Variants in BBS5 observed in about 807,000 individuals in gnomAD.
BBS5 encodes BBSome complex member BBS5.
A neutral mutation model predicts 50.2 loss-of-function variants in BBS5; 39 were observed. The observed-to-expected ratio is 0.78, with a 90% CI of 0.60 to 1.01. BBS5 has a LOEUF of 1.01. Among genes scored for constraint, BBS5 ranks in the 50% least tolerant of loss-of-function variants. The probability of loss-of-function intolerance (pLI) is 0.00; values close to 1 mark genes in which losing one functional copy is unlikely to be tolerated. For synonymous variants in BBS5, 134 were observed against 133.1 expected (o/e 1.01, Z -0.05); for missense variants, 356 against 401.5 (o/e 0.89, Z 0.97).
At position 169,487,182 on chromosome 2, in the gene BBS5, G is replaced by C. The variant is rs762981436; in HGVS notation, c.208+48G>C. On this transcript the variant is annotated intron_variant, in intron 3 of 11. Transcript: ENST00000295240. Reference sequence around the variant, plus strand: ...TCTGAAGAAAAAAAATCCTTTGTCAGGTGAATTTGCATGGTGCCTTTGATA... The same window carrying C: ...TCTGAAGAAAAAAAATCCTTTGTCACGTGAATTTGCATGGTGCCTTTGATA... 1.4e-5 allele frequency: 18 copies of C among 1,313,756 alleles called. No homozygotes were observed. In the East Asian group the frequency reaches 4.1e-4, roughly 30 times the overall value. 81.4% of individuals were successfully genotyped at this position (1,313,756 alleles called of 1,614,324 possible).
chr2:169,482,646 G>A (rs1456601582), intron 2 of BBS5: 3 of 349,822 alleles, frequency 8.6e-6, no homozygotes, highest in South Asian at 2.7e-5. Flanking sequence ...AGGATATGGG[G>A]TAGTGGAATA....
chr2:169,481,487 T>G (rs1683395583), intron 1 of BBS5, among the ~76,000 whole-genome samples: 1 of 152,196 alleles, frequency 6.6e-6, no homozygotes, highest in African/African-American at 2.4e-5. Flanking sequence ...GATTTTGGAC[T>G]TCAACTTCTA....
chr2:169,482,155 T>C, intron 1 of BBS5, 96 bp from the exon 2 acceptor site: 1 of 802,784 alleles, frequency 1.2e-6, no homozygotes. Context: ...TTTATGCTGT[T>C]AGCTGTTTTA....
At chr2:169,482,560 T>C in intron 2 of BBS5, 2 of 496,448 alleles carry the variant, frequency 4.0e-6, no homozygotes, top group Non-Finnish European at 7.3e-6. Flanking sequence ...CCTTTATCCA[T>C]TGTAGCTGTT....
intron 1 of BBS5, among the ~76,000 whole-genome samples, chr2:169,480,958 G>C (rs897462984): frequency 8.5e-5 from 13 of 152,208 alleles, no homozygotes; most frequent in Non-Finnish European, 2.9e-5. Flanking sequence ...GATTACAGGC[G>C]TGAGCCACTG....
chr2:169,492,758 A>T, intron 5 of BBS5, 116 bp from the exon 6 acceptor site: 1 of 923,318 alleles, frequency 1.1e-6, no homozygotes, highest in Non-Finnish European at 1.6e-6. Flanking sequence ...AAAATGTATC[A>T]TAATTATTTG....
At chr2:169,483,748 T>C (rs1341267737) in intron 2 of BBS5, among the ~76,000 whole-genome samples, 1 of 152,158 alleles carries the variant, frequency 6.6e-6, no homozygotes, top group Non-Finnish European at 1.5e-5. Context: ...GGGCTCATCC[T>C]TAAAGTAATG....
intron 5 of BBS5, 85 bp downstream of exon 5, chr2:169,488,199 C>G: frequency 2.2e-6 from 3 of 1,365,042 alleles, no homozygotes; most frequent in Non-Finnish European, 3.1e-6. Context: ...TTTTTGGCAC[C>G]AGGGACCAGT....
At chr2:169,492,577 C>T (rs975608118) in intron 5 of BBS5, among the ~76,000 whole-genome samples, 3 of 151,824 alleles carry the variant, frequency 2.0e-5, no homozygotes, top group Admixed American at 1.3e-4. Context: ...ATTGCCAGAC[C>T]TTATTAAAAA....
In BBS5 at chr2:169,503,079, A is replaced by G. The variant is rs1156419213; in HGVS notation, c.817-16A>G. ...AATATTGTCTCTGATGCATTTTAAC[A>G]TCTGCTGATTTTCAGCCCCAGCCGC... On this transcript the variant is annotated splice_polypyrimidine_tract_variant and intron_variant, in intron 9 of 11. Coordinates refer to ENST00000295240, the MANE Select transcript of BBS5 (RefSeq NM_152384.3). The G allele has an allele frequency of 1.9e-6, 3 of 1,596,238 alleles. No individual in the cohort carries two copies. Among genetic ancestry groups the G allele is most frequent in the East Asian group, 4.5e-5 (2 of 44,794 alleles).
At position 169,505,562 on chromosome 2, in the gene BBS5, C is replaced by T; in HGVS notation, c.*980C>T. Reference sequence around the variant, plus strand: ...TCTAGGAAGTGAGGAGCTTCTCTGCCTGGCCGCCCATCGTCTGAGATGTGG... The same window carrying T: ...TCTAGGAAGTGAGGAGCTTCTCTGCTTGGCCGCCCATCGTCTGAGATGTGG... On this transcript the variant is annotated 3_prime_UTR_variant, in exon 12 of 12. Coordinates refer to ENST00000295240, the MANE Select transcript of BBS5 (RefSeq NM_152384.3). 1 of 275,358 alleles carries T rather than the reference C, an allele frequency of 3.6e-6. No individual in the cohort carries two copies. Among genetic ancestry groups the T allele is most frequent in the Admixed American group, 4.9e-5 (1 of 20,586 alleles). The allele number at this position is 275,358 out of a possible 1,614,324, so 17.1% of individuals were successfully genotyped here.
rs998305076 is a variant in BBS5 at position 169,487,193 on chromosome 2, A to G, written c.208+59A>G. On this transcript the variant is annotated intron_variant, in intron 3 of 11. Transcript: ENST00000295240. Reference sequence around the variant, plus strand: ...AAAATCCTTTGTCAGGTGAATTTGCATGGTGCCTTTGATACCAAAGAAGTA... The same window carrying G: ...AAAATCCTTTGTCAGGTGAATTTGCGTGGTGCCTTTGATACCAAAGAAGTA... 19 of 1,142,008 alleles carry G rather than the reference A, an allele frequency of 1.7e-5. No homozygotes were observed. In the South Asian group the frequency reaches 2.2e-4, roughly 13 times the overall value. 70.7% of individuals were successfully genotyped at this position (1,142,008 alleles called of 1,614,324 possible). A position where few individuals can be genotyped will look rare whatever the true frequency, so the allele number is the denominator to read the frequency against.
intron 8 of BBS5, 95 bp downstream of exon 8, chr2:169,497,784 T>C (rs1683722788): frequency 1.3e-6 from 1 of 794,950 alleles, no homozygotes; most frequent in East Asian, 2.5e-5. Flanking sequence ...AGTTTACATC[T>C]GAGAAGAATA....
chr2:169,499,097 T>C (rs1247307428), intron 8 of BBS5: 1 of 186,402 alleles, frequency 5.4e-6, no homozygotes, highest in Non-Finnish European at 1.1e-5. Flanking sequence ...CAAGAAAAAC[T>C]TAGTTCCCTT....
At position 169,482,410 on chromosome 2, in the gene BBS5, T is replaced by C. The variant is rs947577021; in HGVS notation, c.142+77T>C. The stretch of plus-strand genomic sequence containing the variant: ...TGAATCATATTAGCTAGAGAATATA[T>C]GAAACAGCATCATTTGTCAGTGTAA... On this transcript the variant is annotated intron_variant, in intron 2 of 11. Transcript: ENST00000295240. 4.3e-6 allele frequency: 4 copies of C among 929,786 alleles called. No homozygotes were observed. The South Asian group carries it at 5.2e-5, about 12-fold the overall frequency. The allele number at this position is 929,786 out of a possible 1,614,324, so 57.6% of individuals were successfully genotyped here.
chr2:169,484,706 A>G (rs1315959720), intron 2 of BBS5, among the ~76,000 whole-genome samples: 1 of 152,246 alleles, frequency 6.6e-6, no homozygotes, highest in Admixed American at 6.5e-5. Flanking sequence ...GCCCAGTTAT[A>G]GAGATAAAAT....
rs116495540 is a variant in BBS5, at chr2:169,485,807, A to C, written c.143-1262A>C. Among the ~76,000 whole-genome samples, 1,412 of 152,292 alleles carry C rather than the reference A, an allele frequency of 9.3e-3. 29 individuals carry two copies. Among genetic ancestry groups the C allele is most frequent in the African/African-American group, 0.032 (1,335 of 41,548 alleles). Reference sequence around the variant, plus strand: ...TGGCAGAAGATCAAAGGGAGGCAGGAGTTTGAGGTCTGGGTATTTATTGCC... The same window carrying C: ...TGGCAGAAGATCAAAGGGAGGCAGGCGTTTGAGGTCTGGGTATTTATTGCC... On this transcript the variant is annotated intron_variant, in intron 2 of 11. Coordinates refer to ENST00000295240, the MANE Select transcript of BBS5 (RefSeq NM_152384.3).
In BBS5 at chr2:169,505,487, C is replaced by T. The variant is rs905354351; in HGVS notation, c.*905C>T. 14 of 304,572 alleles carry T rather than the reference C, an allele frequency of 4.6e-5. No homozygotes were observed. The highest frequency in any genetic ancestry group is 6.9e-5 in the African/African-American group (3 of 43,358). 18.9% of individuals were successfully genotyped at this position (304,572 alleles called of 1,614,324 possible). A position where few individuals can be genotyped will look rare whatever the true frequency, so the allele number is the denominator to read the frequency against. On this transcript the variant is annotated 3_prime_UTR_variant, in exon 12 of 12. Coordinates refer to ENST00000295240, the MANE Select transcript of BBS5 (RefSeq NM_152384.3). ...AAAGTGAGGAGCGTCTCTGCCCGGC[C>T]GCCATCCCATCTAGGAAGTGAGGAG... is the stretch of plus-strand genomic sequence containing the variant.
intron 7 of BBS5, among the ~76,000 whole-genome samples, chr2:169,496,852 G>C (rs1366386159): frequency 1.3e-5 from 2 of 151,712 alleles, no homozygotes; most frequent in Non-Finnish European, 2.9e-5. Context: ...CTGGGCAACA[G>C]AGCGAGACTC....
Sources: allele counts gnomAD v4.1 joint callset (sites outside exome capture counted in the v4.1 genomes callset), GRCh38; gene constraint gnomAD v4.1.1; transcripts MANE v1.5; gene names NCBI Gene and HGNC (gene_info 2026-07-23, HGNC 2026-07-21).